The following DACH2 variants were observed in gnomAD, a reference collection of about 807,000 sequenced individuals.
DACH2 encodes dachshund family transcription factor 2, also known as dachshund homolog 2.
A neutral mutation model predicts 35.8 loss-of-function variants in DACH2; 17 were observed. The observed-to-expected ratio is 0.48, with a 90% confidence interval of 0.33 to 0.71. The LOEUF is 0.71. Ranked by LOEUF, DACH2 falls within the 30% of genes least tolerant of loss-of-function variation. The pLI, the probability that DACH2 is intolerant of heterozygous loss-of-function variation, is 0.02. For synonymous variants in DACH2, 195 were observed against 177.3 expected (o/e 1.10, Z -0.79); for missense variants, 469 against 472.7 (o/e 0.99, Z 0.07).
At chrX:86,265,490 C>T (rs1162175514) in intron 1 of DACH2, among the ~76,000 whole-genome samples, 1 of 111,437 alleles carries the variant, frequency 9.0e-6, no homozygotes, top group Non-Finnish European at 1.9e-5. Flanking sequence ...TTTCATTTCT[C>T]CTCGAATCAT....
chrX:86,310,233 T>A (rs1259357640), intron 1 of DACH2, among the ~76,000 whole-genome samples: 1 of 111,922 alleles, frequency 8.9e-6, no homozygotes, highest in African/African-American at 3.2e-5. Context: ...ATAAAGTGGG[T>A]CATGCACAGC....
chrX:86,810,710 T>C lies in DACH2; in HGVS notation c.1241-2146T>C, dbSNP rs12840302. On this transcript the variant is annotated intron_variant, in intron 7 of 11. Transcript: ENST00000373125. The stretch of plus-strand genomic sequence containing the variant: ...TGTGCCTTAGAAACCTTAGATCTGC[T>C]GCCTAAGACATGTTTTAATAGTGTT... 5.5e-3 allele frequency among the ~76,000 whole-genome samples: 609 copies of C among 111,605 alleles called. 3 individuals carry two copies. The highest frequency in any genetic ancestry group is 8.7e-3 in the Non-Finnish European group (461 of 53,024).
chrX:86,618,447 A>T (rs914385347), intron 3 of DACH2, among the ~76,000 whole-genome samples: 4 of 111,842 alleles, frequency 3.6e-5, no homozygotes, highest in African/African-American at 1.3e-4. Context: ...CTTTGTTATC[A>T]TAGCAATATA....
chrX:86,509,158 C>G (rs1372122221), intron 2 of DACH2, among the ~76,000 whole-genome samples: 3 of 111,169 alleles, frequency 2.7e-5, no homozygotes, highest in Non-Finnish European at 5.7e-5. Context: ...CTTAGTATAT[C>G]TACGCTTAAG....
chrX:86,676,812 G>A lies in DACH2; in HGVS notation c.773-18209G>A, dbSNP rs970818346. On this transcript the variant is annotated intron_variant, in intron 4 of 11. Coordinates refer to ENST00000373125, the MANE Select transcript of DACH2 (RefSeq NM_053281.3). The stretch of plus-strand genomic sequence containing the variant: ...CTTTTAGGTTGTTGGTTTTGTGAGC[G>A]AAACAAATCACAGATTGAAAAAGCA... 4.5e-5 allele frequency among the ~76,000 whole-genome samples: 5 copies of A among 111,156 alleles called. No individual in the cohort carries two copies. The East Asian group carries it at 8.4e-4, about 19-fold the overall frequency.
chrX:86,790,828 C>A (rs2042180274), intron 7 of DACH2, among the ~76,000 whole-genome samples: 1 of 111,485 alleles, frequency 9.0e-6, no homozygotes, highest in Non-Finnish European at 1.9e-5. Context: ...AGACATGAGC[C>A]ACCATGCCTG....
intron 3 of DACH2, among the ~76,000 whole-genome samples, chrX:86,544,449 C>G (rs1306706336): frequency 9.0e-6 from 1 of 111,689 alleles, no homozygotes; most frequent in Non-Finnish European, 1.9e-5. Flanking sequence ...TGCCTTTCAG[C>G]AGAAACCTTA....
chrX:86,467,081 G>T (rs1487132362), intron 2 of DACH2, among the ~76,000 whole-genome samples: 1 of 111,865 alleles, frequency 8.9e-6, no homozygotes, highest in Non-Finnish European at 1.9e-5. Context: ...TTCTGCAGCT[G>T]GATTGAATTT....
chrX:86,706,480 A>C (rs778290098), intron 5 of DACH2, among the ~76,000 whole-genome samples: 1 of 111,242 alleles, frequency 9.0e-6, no homozygotes, highest in African/African-American at 3.2e-5. Flanking sequence ...CAAACACTAA[A>C]AAACATTAAG....
chrX:86,278,869 G>A (rs745417983), intron 1 of DACH2, among the ~76,000 whole-genome samples: 5 of 111,512 alleles, frequency 4.5e-5, no homozygotes, highest in African/African-American at 9.8e-5. Context: ...AGGGGCGTCC[G>A]CAATTACTGA....
At chrX:86,578,786 T>C (rs1344583354) in intron 3 of DACH2, among the ~76,000 whole-genome samples, 1 of 111,786 alleles carries the variant, frequency 8.9e-6, no homozygotes, top group Non-Finnish European at 1.9e-5. Context: ...TGAGTATGTA[T>C]CAAGGAATGT....
chrX:86,321,732 G>A, intron 1 of DACH2, among the ~76,000 whole-genome samples: 1 of 112,076 alleles, frequency 8.9e-6, no homozygotes, highest in East Asian at 2.8e-4. Context: ...CTTTTCAGCT[G>A]CAGTGAGGGT....
intron 1 of DACH2, among the ~76,000 whole-genome samples, chrX:86,343,398 C>T (rs890915905): frequency 1.3e-4 from 14 of 111,477 alleles, no homozygotes; most frequent in African/African-American, 3.6e-4. Flanking sequence ...TTAGCCCTAT[C>T]GGTCACTGGT....
At chrX:86,725,320 T>A (rs757501481) in intron 6 of DACH2, among the ~76,000 whole-genome samples, 1 of 111,763 alleles carries the variant, frequency 8.9e-6, no homozygotes, top group South Asian at 3.8e-4. Context: ...CAGGAGGATT[T>A]TTGCTGAAAA....
At chrX:86,684,653 T>A (rs1054167315) in intron 4 of DACH2, among the ~76,000 whole-genome samples, 29 of 111,078 alleles carry the variant, frequency 2.6e-4, no homozygotes, top group African/African-American at 9.5e-4. Flanking sequence ...ACAACACTAA[T>A]TTTTCATCTT....
At chrX:86,675,512 T>G (rs1026064232) in intron 4 of DACH2, among the ~76,000 whole-genome samples, 1 of 110,685 alleles carries the variant, frequency 9.0e-6, no homozygotes, top group Non-Finnish European at 1.9e-5. Flanking sequence ...TGGCAAGAGA[T>G]CGTCCCTAGA....
At chrX:86,222,985 T>C (rs2032747758) in intron 1 of DACH2, among the ~76,000 whole-genome samples, 1 of 111,522 alleles carries the variant, frequency 9.0e-6, no homozygotes, top group Non-Finnish European at 1.9e-5. Context: ...GAGAGAAAAG[T>C]TTAATATCTA....
intron 5 of DACH2, among the ~76,000 whole-genome samples, chrX:86,705,063 A>ATATATCTCACGTATATATATATC (rs59432076): frequency 2.1e-4 from 22 of 104,658 alleles, no homozygotes; most frequent in Non-Finnish European, 4.1e-4. Context: ...ATATATATAT[A>ATATATCTCACGTATATATATATC]TATCTCACAT....
chrX:86,240,437 GATTATTATTATTATTATT>G (rs3034441), intron 1 of DACH2, among the ~76,000 whole-genome samples: 39 of 95,106 alleles, frequency 4.1e-4, no homozygotes, highest in African/African-American at 1.4e-3. Context: ...GGTTGTATCA[GATTATTATTATTATTATT>G]ATTATTATTA....
Sources: gnomAD v4.1 joint callset for allele counts (sites outside exome capture counted in the v4.1 genomes callset) on GRCh38, gnomAD v4.1.1 for gene constraint, MANE v1.5 for transcripts, NCBI Gene and HGNC (gene_info 2026-07-23, HGNC 2026-07-21) for gene names.